The following CCPG1 variants were observed in gnomAD, a reference collection of about 807,000 sequenced individuals.
The protein encoded by CCPG1 is cell cycle progression protein 1.
Under a neutral mutation model 81.3 loss-of-function variants are expected in CCPG1, and 46 were observed. The observed-to-expected ratio is 0.57, with a 90% confidence interval of 0.45 to 0.72. The LOEUF (loss-of-function observed/expected upper bound fraction) is 0.72, where lower values mean the gene tolerates loss of function less well. Among genes scored for constraint, CCPG1 ranks in the 30% least tolerant of loss-of-function variants. The probability of loss-of-function intolerance (pLI) is 0.00; values close to 1 mark genes in which losing one functional copy is unlikely to be tolerated. For missense variants in CCPG1, 902 were observed against 937.6 expected (o/e 0.96, Z 0.50); for synonymous variants, 330 against 305.2 (o/e 1.08, Z -0.85).
chr15:55,391,158 T>A, intron 1 of CCPG1, among the ~76,000 whole-genome samples: 1 of 152,250 alleles, frequency 6.6e-6, no homozygotes, highest in East Asian at 1.9e-4. Context: ...GGTCCCGTTC[T>A]GTCATACAGG....
Position 55,372,037 on chromosome 15 carries a change from T to A in CCPG1, c.462A>T (p.Ser154=). 1.2e-6 allele frequency: 2 copies of A among 1,611,870 alleles called. No homozygotes were observed. The highest frequency in any genetic ancestry group is 1.7e-6 in the Non-Finnish European group (2 of 1,178,874). The change falls in exon 6 of 9, where the codon TCA becomes TCT. Residue 154 remains serine (S), a synonymous_variant. Transcript: ENST00000442196. ...YTFCQPETVF[S]SQPSDDESSS... ...TTGATTCATCGTCACTAGGCTGAGA[T>A]GAAAATACTATTAAGAAAAAAGTTG...
intron 8 of CCPG1, chr15:55,359,309 T>C: frequency 1.6e-6 from 2 of 1,213,624 alleles, no homozygotes; most frequent in African/African-American, 1.6e-5. Flanking sequence ...AAGATAAAAA[T>C]TAAACCATTT....
At chr15:55,400,192 ATACTC>A (rs796989076) in intron 1 of CCPG1, among the ~76,000 whole-genome samples, 32 of 122,376 alleles carry the variant, frequency 2.6e-4, no homozygotes, top group African/African-American at 1.1e-3. Context: ...CCTGGACAAG[ATACTC>A]TACCTCAAAA....
chr15:55,396,479 T>A (rs1319709979), intron 1 of CCPG1, among the ~76,000 whole-genome samples: 1 of 152,214 alleles, frequency 6.6e-6, no homozygotes, highest in Non-Finnish European at 1.5e-5. Context: ...GTTTCTCAAG[T>A]GTTTAACACA....
At chr15:55,375,688 CTTTT>C (rs556670892) in intron 5 of CCPG1, among the ~76,000 whole-genome samples, 4 of 139,542 alleles carry the variant, frequency 2.9e-5, no homozygotes, top group Non-Finnish European at 1.6e-5. Context: ...AGAATCTCTA[CTTTT>C]TTTTTTTTTT....
intron 7 of CCPG1, among the ~76,000 whole-genome samples, chr15:55,362,290 T>G (rs1241421062): frequency 6.6e-6 from 1 of 151,262 alleles, no homozygotes; most frequent in East Asian, 1.9e-4. Context: ...TTACCCCATT[T>G]GAGTCAGAGC....
chr15:55,363,235 G>T (rs2056242473), intron 7 of CCPG1, among the ~76,000 whole-genome samples: 1 of 151,204 alleles, frequency 6.6e-6, no homozygotes, highest in Non-Finnish European at 1.5e-5. Context: ...TGTAATCCCA[G>T]CTACTTGGGA....
At chr15:55,390,070 C>T (rs1478682280) in intron 1 of CCPG1, among the ~76,000 whole-genome samples, 14 of 151,958 alleles carry the variant, frequency 9.2e-5, no homozygotes, top group South Asian at 2.1e-4. Context: ...ACTACAGGCG[C>T]GTGCCACCAC....
chr15:55,405,490 G>A (rs916387692), intron 1 of CCPG1, among the ~76,000 whole-genome samples: 1 of 152,162 alleles, frequency 6.6e-6, no homozygotes, highest in African/African-American at 2.4e-5. Context: ...CTAGGAAGCA[G>A]AGGTTGCAGT....
chr15:55,382,744 C>T (rs2056726667), intron 3 of CCPG1, among the ~76,000 whole-genome samples: 1 of 152,122 alleles, frequency 6.6e-6, no homozygotes, highest in South Asian at 2.1e-4. Flanking sequence ...CTCCTGACCT[C>T]ATGATCCGCC....
intron 1 of CCPG1, among the ~76,000 whole-genome samples, chr15:55,397,059 G>A (rs190813562): frequency 6.6e-6 from 1 of 151,962 alleles, no homozygotes; most frequent in African/African-American, 2.4e-5. Flanking sequence ...AAAATTAGCC[G>A]GGCGATTAGC....
intron 3 of CCPG1, among the ~76,000 whole-genome samples, chr15:55,379,314 C>T (rs1245733110): frequency 6.6e-6 from 1 of 151,820 alleles, no homozygotes; most frequent in Non-Finnish European, 1.5e-5. Context: ...CTTGACGCTA[C>T]AAGTTCAAGA....
intron 5 of CCPG1, chr15:55,372,687 A>T (rs2056477798): frequency 4.3e-6 from 1 of 230,636 alleles, no homozygotes; most frequent in African/African-American, 2.4e-5. Flanking sequence ...TTGCTATTAC[A>T]GGTATAAACA....
intron 1 of CCPG1, among the ~76,000 whole-genome samples, chr15:55,396,470 T>C (rs1014594841): frequency 3.9e-5 from 6 of 152,220 alleles, no homozygotes; most frequent in Admixed American, 2.0e-4. Flanking sequence ...CCCTTGCAGG[T>C]TTCTCAAGTG....
At chr15:55,387,238 C>A (rs2056818975) in intron 2 of CCPG1, among the ~76,000 whole-genome samples, 1 of 152,228 alleles carries the variant, frequency 6.6e-6, no homozygotes, top group South Asian at 2.1e-4. Flanking sequence ...AGACAGAGGT[C>A]TGCTGTCATA....
At chr15:55,373,754 A>C (rs1327573094) in intron 5 of CCPG1, among the ~76,000 whole-genome samples, 1 of 152,220 alleles carries the variant, frequency 6.6e-6, no homozygotes, top group Non-Finnish European at 1.5e-5. Flanking sequence ...TCTGACATAA[A>C]ATTAAGATAG....
chr15:55,384,462 C>T (rs1341709024), intron 3 of CCPG1, among the ~76,000 whole-genome samples: 1 of 152,114 alleles, frequency 6.6e-6, no homozygotes, highest in East Asian at 1.9e-4. Context: ...GAGTTCGAGA[C>T]CAGGCTAACC....
chr15:55,359,750 T>G lies in CCPG1; in HGVS notation c.2023A>C (p.Asn675His). 6.2e-7 allele frequency: 1 copy of G among 1,613,466 alleles called. No individual in the cohort carries two copies. Among genetic ancestry groups the G allele is most frequent in the Non-Finnish European group, 8.5e-7 (1 of 1,179,886 alleles). Residue 675 changes from asparagine to histidine, a missense_variant, in exon 8 of 9, where the codon AAC (asparagine) becomes CAC (histidine). Physicochemically the swap from Asn to His is moderately conservative, Grantham distance 68. This residue lies in a region of CCPG1 where 746 missense variants were observed against 728.6 expected (regional missense o/e 1.02). Transcript: ENST00000442196. ...TTATTGATGAACTGATCAAGTTCGT[T>G]CCAGTGACAAAAAGTATCCAGTTCT... ...LKELDTFCHW[N>H]ELDQFINKFF... is the part of the protein sequence containing the mutation.
chr15:55,361,476 G>A (rs1395783441), intron 7 of CCPG1, among the ~76,000 whole-genome samples: 3 of 151,668 alleles, frequency 2.0e-5, no homozygotes, highest in Non-Finnish European at 4.4e-5. Flanking sequence ...GGGAGGCTGA[G>A]GTGGGTGGAT....
Sources: allele counts gnomAD v4.1 joint callset (sites outside exome capture counted in the v4.1 genomes callset), GRCh38; gene constraint gnomAD v4.1.1; regional missense constraint gnomAD v4.1.1; transcripts MANE v1.5; gene names NCBI Gene and HGNC (gene_info 2026-07-23, HGNC 2026-07-21).